Variants in ITPR1 observed in about 807,000 individuals in gnomAD.
The protein encoded by ITPR1 is inositol 1,4,5-trisphosphate receptor type 1.
A neutral mutation model predicts 318.4 loss-of-function variants in ITPR1; 96 were observed. The observed-to-expected ratio is 0.30, with a 90% CI of 0.26 to 0.36. The LOEUF is 0.36. Ranked by LOEUF, ITPR1 falls within the 10% of genes least tolerant of loss-of-function variation. The pLI, the probability that ITPR1 is intolerant of heterozygous loss-of-function variation, is 1.00. For missense variants in ITPR1, 2,440 were observed against 3,460.2 expected (o/e 0.71, Z 7.40); for synonymous variants, 1,312 against 1,289.9 (o/e 1.02, Z -0.37).
chr3:4,810,593 T>G (rs529209311), intron 55 of ITPR1, among the ~76,000 whole-genome samples: 1 of 152,328 alleles, frequency 6.6e-6, no homozygotes, highest in South Asian at 2.1e-4. Flanking sequence ...ATCAGGAAAT[T>G]GATGATAATT....
intron 4 of ITPR1, among the ~76,000 whole-genome samples, chr3:4,560,850 A>G (rs960895739): frequency 5.9e-5 from 9 of 152,160 alleles, no homozygotes; most frequent in Admixed American, 2.6e-4. Context: ...TAGAACTCCT[A>G]TCTTGGTTTG....
intron 28 of ITPR1, 53 bp downstream of exon 28, chr3:4,683,851 C>T: frequency 6.7e-7 from 1 of 1,503,110 alleles, no homozygotes; most frequent in Non-Finnish European, 9.1e-7. Flanking sequence ...CTTCTCGAAA[C>T]TAGGGAGCAT....
At chr3:4,535,747 G>T (rs1169637097) in intron 4 of ITPR1, among the ~76,000 whole-genome samples, 1 of 151,938 alleles carries the variant, frequency 6.6e-6, no homozygotes, top group African/African-American at 2.4e-5. Context: ...GCCCAGCCAG[G>T]AAAGTTATTT....
At chr3:4,701,282 G>A (rs1017400005) in intron 35 of ITPR1, among the ~76,000 whole-genome samples, 9 of 152,214 alleles carry the variant, frequency 5.9e-5, no homozygotes, top group African/African-American at 2.2e-4. Context: ...TAGGGCAGGC[G>A]ATAATGCACT....
intron 4 of ITPR1, among the ~76,000 whole-genome samples, chr3:4,592,066 C>T (rs2090438264): frequency 6.6e-6 from 1 of 152,034 alleles, no homozygotes; most frequent in African/African-American, 2.4e-5. Context: ...GCTGGGGTTC[C>T]GAGGAATTCT....
At chr3:4,836,696 G>C in intron 60 of ITPR1, 78 bp from the exon 61 acceptor site, 1 of 1,245,118 alleles carries the variant, frequency 8.0e-7, no homozygotes, top group Non-Finnish European at 1.0e-6. Flanking sequence ...GGCACGGTAA[G>C]CTGGCCTTTC....
chr3:4,775,130 ATC>A, intron 46 of ITPR1, 110 bp from the exon 47 acceptor site: 1 of 802,680 alleles, frequency 1.2e-6, no homozygotes, highest in Non-Finnish European at 2.2e-6. Context: ...CCCACGTGGC[ATC>A]TCTCTGTATA....
At chr3:4,841,100 G>A (rs1174936850) in intron 61 of ITPR1, among the ~76,000 whole-genome samples, 2 of 152,118 alleles carry the variant, frequency 1.3e-5, no homozygotes, top group Admixed American at 6.6e-5. Flanking sequence ...TAAACGACCC[G>A]TACTGCATCT....
intron 44 of ITPR1, among the ~76,000 whole-genome samples, chr3:4,759,134 C>T (rs1468467404): frequency 3.3e-5 from 5 of 152,166 alleles, no homozygotes; most frequent in Admixed American, 6.5e-5. Flanking sequence ...CCGAGGTGGC[C>T]GTCACTGTCC....
At chr3:4,638,898 C>A (rs943220574) in intron 5 of ITPR1, among the ~76,000 whole-genome samples, 2 of 152,054 alleles carry the variant, frequency 1.3e-5, no homozygotes, top group African/African-American at 4.8e-5. Flanking sequence ...GTGCAGGTAC[C>A]ATCTGATCCT....
chr3:4,654,896 G>C (rs1008358001), intron 12 of ITPR1, among the ~76,000 whole-genome samples: 2 of 152,152 alleles, frequency 1.3e-5, no homozygotes, highest in African/African-American at 4.8e-5. Flanking sequence ...TGGGTTTGTG[G>C]ATTTGCTGGG....
intron 44 of ITPR1, among the ~76,000 whole-genome samples, chr3:4,745,517 A>G (rs530076659): frequency 1.3e-5 from 2 of 152,154 alleles, no homozygotes; most frequent in Non-Finnish European, 2.9e-5. Flanking sequence ...TGTGCCTCCT[A>G]CAAACGTTTT....
intron 40 of ITPR1, among the ~76,000 whole-genome samples, chr3:4,722,786 A>C (rs2042255848): frequency 6.6e-6 from 1 of 152,168 alleles, no homozygotes; most frequent in South Asian, 2.1e-4. Context: ...TGCCAGCTAG[A>C]TATTGTGAAA....
At chr3:4,727,066 C>G (rs1255338806) in intron 41 of ITPR1, 60 bp from the exon 42 acceptor site, 1 of 1,251,602 alleles carries the variant, frequency 8.0e-7, no homozygotes. Context: ...GTGACTGATG[C>G]TGCAGATGGT....
chr3:4,755,746 C>A (rs145409787), intron 44 of ITPR1, among the ~76,000 whole-genome samples: 2 of 152,222 alleles, frequency 1.3e-5, no homozygotes, highest in Non-Finnish European at 2.9e-5. Flanking sequence ...TAGCGAAGGG[C>A]GTCTGCCCCA....
rs986532792 is a variant in ITPR1, at chr3:4,508,542, G to T, written c.-16-7934G>T. Among the ~76,000 whole-genome samples the T allele has an allele frequency of 1.4e-4, 21 of 146,388 alleles. 1 individual carries two copies. The highest frequency in any genetic ancestry group is 5.3e-4 in the African/African-American group (21 of 39,332). Reference sequence around the variant, plus strand: ...CTAATAGATGGAAAAATTTCAATAAGTGAGTTTTCTGCCACAGTCAAATGA... The same window carrying T: ...CTAATAGATGGAAAAATTTCAATAATTGAGTTTTCTGCCACAGTCAAATGA... On this transcript the variant is annotated intron_variant, in intron 2 of 61. Coordinates refer to ENST00000649015, the MANE Select transcript of ITPR1 (RefSeq NM_001378452.1).
intron 31 of ITPR1, among the ~76,000 whole-genome samples, chr3:4,689,272 A>G (rs2094444263): frequency 6.6e-6 from 1 of 152,144 alleles, no homozygotes; most frequent in Non-Finnish European, 1.5e-5. Context: ...TCTGATTTTT[A>G]ACTTTGTAAA....
Position 4,685,102 on chromosome 3 carries a change from G to C in ITPR1, c.3598G>C (p.Glu1200Gln), listed in dbSNP as rs1198302994. 2 of 1,611,198 alleles carry C rather than the reference G, an allele frequency of 1.2e-6. No individual in the cohort carries two copies. Among genetic ancestry groups the C allele is most frequent in the South Asian group, 2.2e-5 (2 of 90,434 alleles). Residue 1200 changes from glutamate to glutamine, a missense_variant, in exon 30 of 62, where the codon GAG (glutamate) becomes CAG (glutamine). By Grantham distance (29) the Glu-to-Gln change is conservative (BLOSUM62 2). This residue lies in a region of ITPR1 where 86 missense variants were observed against 75.6 expected (regional missense o/e 1.14). Transcript: ENST00000649015. ...LIRLSKLCVQ[E>Q]SASVRKSRKQ... Reference sequence around the variant, plus strand: ...TCGGCTTAGCAAACTCTGTGTTCAAGAGAGTGCCTCAGTGAGAAAGAGCAG... The same window carrying C: ...TCGGCTTAGCAAACTCTGTGTTCAACAGAGTGCCTCAGTGAGAAAGAGCAG...
chr3:4,632,733 T>C (rs2093051837), intron 5 of ITPR1, among the ~76,000 whole-genome samples: 1 of 152,050 alleles, frequency 6.6e-6, no homozygotes, highest in African/African-American at 2.4e-5. Flanking sequence ...CGACACTCCT[T>C]CCTATGAATG....
Sources: gnomAD v4.1 joint callset for allele counts (sites outside exome capture counted in the v4.1 genomes callset) on GRCh38, gnomAD v4.1.1 for gene constraint, gnomAD v4.1.1 regional missense constraint, MANE v1.5 for transcripts, NCBI Gene and HGNC (gene_info 2026-07-23, HGNC 2026-07-21) for gene names.